Variants in PLSCR2 observed in about 807,000 individuals in gnomAD.
PLSCR2 encodes the protein PL scramblase 2.
PLSCR2 carries 18 observed loss-of-function variants against 25.3 expected under a neutral mutation model. The ratio of observed to expected loss-of-function variants is 0.71; its 90% CI spans 0.49 to 1.06. The LOEUF (loss-of-function observed/expected upper bound fraction) is 1.06. PLSCR2 is among the 50% of genes least tolerant of loss of function. The pLI is 0.00. For synonymous variants in PLSCR2, 88 were observed against 87.3 expected, an observed-to-expected ratio of 1.01 and a Z score of -0.04; for missense variants, 243 against 269.5, an observed-to-expected ratio of 0.90 and a Z score of 0.69.
chr3:146,458,378 T>C (rs767278520), intron 3 of PLSCR2, 33 bp downstream of exon 3: 1 of 1,468,210 alleles, frequency 6.8e-7, no homozygotes, highest in Admixed American at 2.3e-5. Flanking sequence ...TTCTTCTCTT[T>C]TTAGAACTAT....
Position 146,492,426 on chromosome 3 carries a change from A to T in PLSCR2, c.-293+3469T>A, listed in dbSNP as rs187334271. The stretch of plus-strand genomic sequence containing the variant: ...GCATAAAGCAATTCACAAAAAATTT[A>T]AAAAAAAATCATACTCATCACAGTC... On this transcript the variant is annotated intron_variant, in intron 1 of 8. Transcript: ENST00000336685. Among the ~76,000 whole-genome samples the T allele has an allele frequency of 4.7e-3, 707 of 151,908 alleles. 5 individuals carry two copies. The highest frequency in any genetic ancestry group is 0.012 in the African/African-American group (517 of 41,456).
chr3:146,426,144 TCCTC>T (rs1335118129), intron 2 of PLSCR2, among the ~76,000 whole-genome samples: 2 of 151,824 alleles, frequency 1.3e-5, no homozygotes, highest in East Asian at 3.9e-4. Flanking sequence ...TTTTCTCTAT[TCCTC>T]CCTCTCTGTT....
At chr3:146,490,822 AG>A (rs2043523559) in intron 1 of PLSCR2, among the ~76,000 whole-genome samples, 1 of 152,122 alleles carries the variant, frequency 6.6e-6, no homozygotes, top group Non-Finnish European at 1.5e-5. Flanking sequence ...TCTGCCTTTT[AG>A]GTAGGGCATT....
At chr3:146,437,216 G>T (rs1300010734), downstream of PLSCR2, among the ~76,000 whole-genome samples, 1 of 152,164 alleles carries the variant, frequency 6.6e-6, no homozygotes, top group East Asian at 1.9e-4. Context: ...ATGTTCATCA[G>T]GGATATTGGT....
chr3:146,494,121 G>A (rs1439384639), intron 1 of PLSCR2, among the ~76,000 whole-genome samples: 1 of 152,020 alleles, frequency 6.6e-6, no homozygotes, highest in Non-Finnish European at 1.5e-5. Flanking sequence ...GAGGTCATTG[G>A]TTAATGTTCG....
downstream of PLSCR2, among the ~76,000 whole-genome samples, chr3:146,436,872 T>G (rs181390198): frequency 6.6e-6 from 1 of 152,292 alleles, no homozygotes; most frequent in Non-Finnish European, 1.5e-5. Context: ...AGGGAATGCT[T>G]CCAGTTTTTG....
intron 8 of PLSCR2, among the ~76,000 whole-genome samples, chr3:146,434,067 A>T (rs1043145391): frequency 1.3e-5 from 2 of 152,166 alleles, no homozygotes; most frequent in Non-Finnish European, 2.9e-5. Flanking sequence ...ACAGCTGGAA[A>T]TCCTAGTTTC....
chr3:146,469,151 C>T (rs1284898003), intron 1 of PLSCR2: 4 of 985,358 alleles, frequency 4.1e-6, no homozygotes, highest in Non-Finnish European at 4.8e-6. Context: ...CTTCTAATAG[C>T]CCCACTATGC....
intron 1 of PLSCR2, among the ~76,000 whole-genome samples, chr3:146,485,850 C>T (rs1313543041): frequency 6.6e-6 from 1 of 152,064 alleles, no homozygotes; most frequent in Non-Finnish European, 1.5e-5. Context: ...GAGCAAGTCA[C>T]GTCTTACATG....
At chr3:146,442,042 C>T (rs949366768) in intron 6 of PLSCR2, among the ~76,000 whole-genome samples, 4 of 151,968 alleles carry the variant, frequency 2.6e-5, no homozygotes, top group African/African-American at 9.7e-5. Flanking sequence ...TTTATTGACA[C>T]CTGCATTAAT....
At chr3:146,457,138 T>C (rs2108381789) in intron 3 of PLSCR2, among the ~76,000 whole-genome samples, 1 of 152,270 alleles carries the variant, frequency 6.6e-6, no homozygotes, top group Admixed American at 6.5e-5. Flanking sequence ...TTAAATGTAA[T>C]AGGTAACAAT....
intron 2 of PLSCR2, among the ~76,000 whole-genome samples, chr3:146,426,160 C>T (rs928949892): frequency 6.7e-6 from 1 of 148,658 alleles, no homozygotes; most frequent in Non-Finnish European, 1.5e-5. Context: ...CTCTCTGTTT[C>T]CCCCCTTTAT....
intron 2 of PLSCR2, among the ~76,000 whole-genome samples, chr3:146,421,647 G>C (rs1358064433): frequency 2.6e-5 from 4 of 152,068 alleles, no homozygotes; most frequent in Non-Finnish European, 5.9e-5. Context: ...AAGATGGGGA[G>C]ATCCAAGCCA....
intron 2 of PLSCR2, among the ~76,000 whole-genome samples, chr3:146,404,660 A>G (rs1283500119): frequency 1.3e-5 from 2 of 152,180 alleles, no homozygotes; most frequent in Non-Finnish European, 2.9e-5. Flanking sequence ...TCTCATCTGA[A>G]TCAGACATTG....
chr3:146,440,778 T>A (rs956579237), downstream of PLSCR2, among the ~76,000 whole-genome samples: 18 of 152,162 alleles, frequency 1.2e-4, no homozygotes, highest in African/African-American at 1.7e-4. Flanking sequence ...CAGTTTTTTT[T>A]ATAACAAAAA....
chr3:146,478,098 C>CAAA (rs2042986174), intron 1 of PLSCR2, among the ~76,000 whole-genome samples: 2 of 152,192 alleles, frequency 1.3e-5, no homozygotes, highest in African/African-American at 4.8e-5. Flanking sequence ...AAAACCCCAT[C>CAAA]TGTAGGTCAC....
At chr3:146,493,144 C>T (rs965975050) in intron 1 of PLSCR2, among the ~76,000 whole-genome samples, 1 of 151,926 alleles carries the variant, frequency 6.6e-6, no homozygotes, top group Non-Finnish European at 1.5e-5. Context: ...AAAACAAGAT[C>T]CAAAACTGAA....
At chr3:146,413,494 C>T (rs972224893) in intron 2 of PLSCR2, among the ~76,000 whole-genome samples, 1 of 152,108 alleles carries the variant, frequency 6.6e-6, no homozygotes, top group Non-Finnish European at 1.5e-5. Flanking sequence ...CAATATTTTG[C>T]ATAGAAATTC....
intron 2 of PLSCR2, among the ~76,000 whole-genome samples, chr3:146,427,823 T>C (rs575599475): frequency 3.3e-5 from 5 of 152,316 alleles, no homozygotes; most frequent in Admixed American, 1.3e-4. Context: ...AATAATTTTG[T>C]TCATTATTGA....
Sources: allele counts gnomAD v4.1 joint callset (sites outside exome capture counted in the v4.1 genomes callset), GRCh38; gene constraint gnomAD v4.1.1; transcripts MANE v1.5; gene names NCBI Gene and HGNC (gene_info 2026-07-23, HGNC 2026-07-21).